The following SNX6 variants were observed in gnomAD, a reference collection of about 807,000 sequenced individuals.
SNX6 encodes the protein sorting nexin 6, also known as sorting nexin-6.
Under a neutral mutation model 63.0 loss-of-function variants are expected in SNX6, and 34 were observed. The observed-to-expected ratio is 0.54, with a 90% confidence interval of 0.41 to 0.72. The LOEUF (loss-of-function observed/expected upper bound fraction) is 0.72, where lower values mean the gene tolerates loss of function less well. Ranked by LOEUF, SNX6 falls within the 30% of genes least tolerant of loss-of-function variation. The pLI is 0.00. For missense variants in SNX6, 398 were observed against 471.4 expected (o/e 0.84, Z 1.44); for synonymous variants, 170 against 164.2 (o/e 1.04, Z -0.27).
At chr14:34,604,187 T>C (rs1882930471) in intron 5 of SNX6, 1 of 1,288,440 alleles carries the variant, frequency 7.8e-7, no homozygotes, top group East Asian at 5.6e-5. Context: ...GTGAGGGTAG[T>C]CATTCAGTGA....
intron 2 of SNX6, among the ~76,000 whole-genome samples, chr14:34,615,962 T>C (rs1883404286): frequency 6.6e-6 from 1 of 152,116 alleles, no homozygotes; most frequent in Non-Finnish European, 1.5e-5. Flanking sequence ...TCCTTTTTTA[T>C]TTTTATTTTT....
chr14:34,629,247 A>G (rs149935997), intron 2 of SNX6, among the ~76,000 whole-genome samples: 24 of 152,230 alleles, frequency 1.6e-4, no homozygotes, highest in Non-Finnish European at 4.4e-5. Context: ...TTAAGTATAT[A>G]CAATTATCAA....
intron 2 of SNX6, 93 bp downstream of exon 2, chr14:34,629,814 G>A (rs1480743275): frequency 3.3e-6 from 5 of 1,517,480 alleles, no homozygotes; most frequent in Non-Finnish European, 4.4e-6. Flanking sequence ...GGAGTGCCGC[G>A]CGGCTGGGGA....
chr14:34,577,792 G>GT (rs1403998955), intron 10 of SNX6, among the ~76,000 whole-genome samples: 1 of 152,140 alleles, frequency 6.6e-6, no homozygotes, highest in Non-Finnish European at 1.5e-5. Flanking sequence ...AGAATCATTA[G>GT]TAACAGTATT....
At chr14:34,627,280 A>G (rs1449287175) in intron 2 of SNX6, among the ~76,000 whole-genome samples, 3 of 152,076 alleles carry the variant, frequency 2.0e-5, no homozygotes, top group African/African-American at 7.2e-5. Flanking sequence ...CCCCGTCTCT[A>G]CTAAAAATAC....
rs893112801 is a variant in SNX6, at chr14:34,574,198, C to T, written c.921+1558G>A. ...TAAAAATACAAAAATTAGCCAGGCG[C>T]GGTGGCGGGCACCTGTAATCCCAGC... is the stretch of plus-strand genomic sequence containing the variant. On this transcript the variant is annotated intron_variant, in intron 11 of 13. Transcript: ENST00000362031. 1.9e-4 allele frequency among the ~76,000 whole-genome samples: 29 copies of T among 150,168 alleles called. 1 individual carries two copies. Among genetic ancestry groups the T allele is most frequent in the African/African-American group, 2.9e-4 (12 of 40,896 alleles).
chr14:34,602,308 C>A (rs146946045), intron 6 of SNX6, among the ~76,000 whole-genome samples: 3,146 of 152,024 alleles, frequency 0.021, 104 homozygotes, highest in African/African-American at 0.068. Context: ...TTCCTGTAAT[C>A]CCAGCTACTT....
At chr14:34,628,255 C>A (rs1566497882) in intron 2 of SNX6, among the ~76,000 whole-genome samples, 1 of 151,860 alleles carries the variant, frequency 6.6e-6, no homozygotes, top group African/African-American at 2.4e-5. Flanking sequence ...GTCTGGAAAT[C>A]GAGACCATCC....
At chr14:34,597,756 A>G in intron 6 of SNX6, 111 bp from the exon 7 acceptor site, 3 of 627,800 alleles carry the variant, frequency 4.8e-6, no homozygotes, top group Non-Finnish European at 8.2e-6. Context: ...TTTAATCTTA[A>G]TAAAGTGGAA....
chr14:34,577,259 A>ATT (rs149346254), intron 10 of SNX6, among the ~76,000 whole-genome samples: 1 of 149,160 alleles, frequency 6.7e-6, no homozygotes, highest in Non-Finnish European at 1.5e-5. Flanking sequence ...ATTTTTTTGT[A>ATT]TTTTTTTTTA....
At chr14:34,570,469 T>C (rs1319489853) in intron 11 of SNX6, among the ~76,000 whole-genome samples, 2 of 151,910 alleles carry the variant, frequency 1.3e-5, no homozygotes, top group Non-Finnish European at 2.9e-5. Flanking sequence ...TCATCCAGGC[T>C]GGAGTGCAGT....
intron 8 of SNX6, among the ~76,000 whole-genome samples, chr14:34,591,000 A>G (rs1186426106): frequency 6.6e-6 from 1 of 152,230 alleles, no homozygotes; most frequent in African/African-American, 2.4e-5. Flanking sequence ...TTCAATTTAT[A>G]TAAAATACTA....
At chr14:34,614,947 T>C (rs556936040) in intron 2 of SNX6, among the ~76,000 whole-genome samples, 1 of 145,700 alleles carries the variant, frequency 6.9e-6, no homozygotes, top group East Asian at 2.0e-4. Context: ...TGCTTTCAGA[T>C]TTTTTTTTTT....
At chr14:34,621,513 C>T (rs553492905) in intron 2 of SNX6, among the ~76,000 whole-genome samples, 23 of 152,336 alleles carry the variant, frequency 1.5e-4, no homozygotes, top group African/African-American at 5.5e-4. Flanking sequence ...CTCAATGTAT[C>T]AAGCACTGTC....
At chr14:34,574,105 AG>A (rs1881578139) in intron 11 of SNX6, among the ~76,000 whole-genome samples, 1 of 151,430 alleles carries the variant, frequency 6.6e-6, no homozygotes, top group Admixed American at 6.6e-5. Context: ...TGGGAGGCCG[AG>A]GTGGGGGGAT....
intron 11 of SNX6, 126 bp from the exon 12 acceptor site, chr14:34,568,139 C>T: frequency 1.5e-6 from 1 of 663,190 alleles, no homozygotes; most frequent in Non-Finnish European, 2.3e-6. Flanking sequence ...ATGCCAGTTA[C>T]TCCAATTTTT....
intron 4 of SNX6, among the ~76,000 whole-genome samples, chr14:34,606,599 T>C (rs1188662689): frequency 1.3e-5 from 2 of 151,820 alleles, no homozygotes; most frequent in East Asian, 3.9e-4. Flanking sequence ...ATTACAGGCA[T>C]GTGCCACCAT....
chr14:34,569,832 A>G (rs981788476), intron 11 of SNX6, among the ~76,000 whole-genome samples: 7 of 152,198 alleles, frequency 4.6e-5, no homozygotes, highest in Admixed American at 3.9e-4. Flanking sequence ...GGATATAATT[A>G]ATAATGCTGC....
At chr14:34,575,052 C>T (rs1881633436) in intron 11 of SNX6, among the ~76,000 whole-genome samples, 1 of 149,318 alleles carries the variant, frequency 6.7e-6, no homozygotes. Flanking sequence ...CCACCATGCC[C>T]GGCTAATTTT....
Sources: gnomAD v4.1 joint callset for allele counts (sites outside exome capture counted in the v4.1 genomes callset) on GRCh38, gnomAD v4.1.1 for gene constraint, MANE v1.5 for transcripts, NCBI Gene and HGNC (gene_info 2026-07-23, HGNC 2026-07-21) for gene names.